PDK1: variants seen among roughly 807,000 people sequenced by gnomAD.
PDK1 encodes [Pyruvate dehydrogenase (acetyl-transferring)] kinase isozyme 1, mitochondrial.
In PDK1, 39 loss-of-function variants were observed where a neutral mutation model predicts 54.2. The observed-to-expected ratio is 0.72, with a 90% CI of 0.56 to 0.94. The LOEUF is 0.94. PDK1 is among the 40% of genes least tolerant of loss of function. The pLI, the probability that PDK1 is intolerant of heterozygous loss-of-function variation, is 0.00. For synonymous variants in PDK1, 221 were observed against 207.1 expected (o/e 1.07, Z -0.58); for missense variants, 552 against 566.0 (o/e 0.98, Z 0.25).
the PDK1 span, among the ~76,000 whole-genome samples, chr2:172,656,996 A>C: frequency 4.0e-5 from 6 of 151,590 alleles, no homozygotes; most frequent in Non-Finnish European, 5.9e-5. Flanking sequence ...GGCTCCAGCA[A>C]TTTGTCAATT....
chr2:172,608,072 G>A lies in PDK1; in HGVS notation c.*12103G>A, dbSNP rs1227822069. The A allele has an allele frequency of 6.6e-6, 1 of 152,098 alleles. No individual in the cohort carries two copies. The highest frequency in any genetic ancestry group is 1.5e-5 in the Non-Finnish European group (1 of 68,006). The allele number at this position is 152,098 out of a possible 1,614,324, so 9.4% of individuals were successfully genotyped here. ...ATACTTGACTGACATTGAGACCCTT[G>A]ATGCAAAAAGGTAAGTAGAAGAGAA... On this transcript the variant is annotated 3_prime_UTR_variant, in exon 11 of 11. Transcript: ENST00000282077.
chr2:172,565,115 TCAA>T, intron 5 of PDK1, 42 bp downstream of exon 5: 1 of 1,169,318 alleles, frequency 8.6e-7, no homozygotes, highest in Non-Finnish European at 1.3e-6. Context: ...GATACAAAAA[TCAA>T]AATTATTGTT....
At chr2:172,556,978 G>C (rs1311601990) in intron 1 of PDK1, among the ~76,000 whole-genome samples, 1 of 152,182 alleles carries the variant, frequency 6.6e-6, no homozygotes, top group Non-Finnish European at 1.5e-5. Context: ...AATTGCAGAA[G>C]GAATTGCATA....
chr2:172,689,268 T>C, the PDK1 span, among the ~76,000 whole-genome samples: 1 of 152,210 alleles, frequency 6.6e-6, no homozygotes, highest in Admixed American at 6.5e-5. Flanking sequence ...GATTGGAGCA[T>C]TTTACAAACC....
the PDK1 span, among the ~76,000 whole-genome samples, chr2:172,621,674 G>GA: frequency 6.9e-6 from 1 of 145,576 alleles, no homozygotes; most frequent in African/African-American, 2.5e-5. Flanking sequence ...TATGATATAT[G>GA]TTTATGTTTA....
chr2:172,657,162 G>T, the PDK1 span, among the ~76,000 whole-genome samples: 1 of 151,944 alleles, frequency 6.6e-6, no homozygotes, highest in African/African-American at 2.4e-5. Flanking sequence ...GATCTAAGAA[G>T]AATTGTTTTG....
intron 3 of PDK1, among the ~76,000 whole-genome samples, chr2:172,563,167 A>C (rs1688747788): frequency 6.6e-6 from 1 of 152,214 alleles, no homozygotes; most frequent in Non-Finnish European, 1.5e-5. Flanking sequence ...GAATCCAAGC[A>C]GTCTTACTTT....
downstream of PDK1, chr2:172,608,724 A>G (rs1001547679): frequency 1.3e-5 from 2 of 152,112 alleles, no homozygotes; most frequent in African/African-American, 2.4e-5. Context: ...AAAAAATTCA[A>G]AGCTACCCAC....
At chr2:172,615,746 A>C in the PDK1 span, among the ~76,000 whole-genome samples, 7 of 152,244 alleles carry the variant, frequency 4.6e-5, no homozygotes, top group Admixed American at 3.9e-4. Flanking sequence ...AATTATGCAA[A>C]AGAATCAGTT....
chr2:172,630,954 TC>T, the PDK1 span, among the ~76,000 whole-genome samples: 1 of 152,198 alleles, frequency 6.6e-6, no homozygotes, highest in Non-Finnish European at 1.5e-5. Flanking sequence ...CCTTAAGAAG[TC>T]CTTCTCCATC....
At chr2:172,695,084 C>T in the PDK1 span, among the ~76,000 whole-genome samples, 3 of 152,250 alleles carry the variant, frequency 2.0e-5, no homozygotes, top group Non-Finnish European at 4.4e-5. Flanking sequence ...CGCCACTGCA[C>T]TCCAGTCTGG....
At chr2:172,695,839 C>T in the PDK1 span, among the ~76,000 whole-genome samples, 1 of 152,188 alleles carries the variant, frequency 6.6e-6, no homozygotes, top group African/African-American at 2.4e-5. Context: ...GCCCTCAGTC[C>T]TACAGCTACA....
the PDK1 span, among the ~76,000 whole-genome samples, chr2:172,684,952 C>A: frequency 1.5e-4 from 23 of 152,122 alleles, no homozygotes; most frequent in Non-Finnish European, 2.6e-4. Context: ...GGGGCGCTTT[C>A]CCTCATGCTG....
At chr2:172,612,298 A>G (rs193148564), downstream of PDK1, among the ~76,000 whole-genome samples, 5 of 152,230 alleles carry the variant, frequency 3.3e-5, no homozygotes, top group Non-Finnish European at 7.3e-5. Flanking sequence ...CTTAAGAGCA[A>G]TTAACTAATT....
At chr2:172,556,632 G>C (rs1688346876) in intron 1 of PDK1, 4 of 313,346 alleles carry the variant, frequency 1.3e-5, no homozygotes, top group Non-Finnish European at 2.3e-5. Flanking sequence ...GTGCAGGTGC[G>C]CGCTAGGCCA....
the PDK1 span, among the ~76,000 whole-genome samples, chr2:172,629,355 C>T: frequency 6.6e-6 from 1 of 152,146 alleles, no homozygotes; most frequent in Admixed American, 6.5e-5. Flanking sequence ...CATGAAAACC[C>T]CACAGGCCCC....
chr2:172,600,019 T>A lies in PDK1; in HGVS notation c.*4050T>A, dbSNP rs1370420557. The A allele has an allele frequency of 6.6e-6, 1 of 152,248 alleles. No homozygotes were observed. Among genetic ancestry groups the A allele is most frequent in the Non-Finnish European group, 1.5e-5 (1 of 68,042 alleles). The allele number at this position is 152,248 out of a possible 1,614,324, so 9.4% of individuals were successfully genotyped here. On this transcript the variant is annotated 3_prime_UTR_variant, in exon 11 of 11. Transcript: ENST00000282077. ...TTTTTGAGAGTGGAAGTACATTTCC[T>A]GCATTTGTCACAGATAATATCAGAA...
At chr2:172,690,636 T>C in the PDK1 span, among the ~76,000 whole-genome samples, 21 of 150,176 alleles carry the variant, frequency 1.4e-4, 1 homozygote, top group African/African-American at 2.2e-4. Context: ...ATTAAGAAAA[T>C]GTGGCACATA....
Position 172,599,025 on chromosome 2 carries a change from T to A in PDK1, c.*3056T>A, listed in dbSNP as rs1398626894. On this transcript the variant is annotated 3_prime_UTR_variant, in exon 11 of 11. Coordinates refer to ENST00000282077, the MANE Select transcript of PDK1 (RefSeq NM_002610.5). Reference sequence around the variant, plus strand: ...AGAGGTAGAGTTTGTATGTTTGACTTACCTTAGATTTTTATTTTCCATACA... The same window carrying A: ...AGAGGTAGAGTTTGTATGTTTGACTAACCTTAGATTTTTATTTTCCATACA... 6.6e-6 allele frequency: 1 copy of A among 152,136 alleles called. No homozygotes were observed. The highest frequency in any genetic ancestry group is 2.4e-5 in the African/African-American group (1 of 41,458). 9.4% of individuals were successfully genotyped at this position (152,136 alleles called of 1,614,324 possible).
Sources: gnomAD v4.1 joint callset for allele counts (sites outside exome capture counted in the v4.1 genomes callset) on GRCh38, gnomAD v4.1.1 for gene constraint, MANE v1.5 for transcripts, NCBI Gene and HGNC (gene_info 2026-07-23, HGNC 2026-07-21) for gene names.